NBAS: variants seen among roughly 807,000 people sequenced by gnomAD.
NBAS encodes the protein NBAS subunit of NRZ tethering complex.
A neutral mutation model predicts 302.5 loss-of-function variants in NBAS; 219 were observed. The observed-to-expected ratio is 0.72, with a 90% CI of 0.65 to 0.81. The LOEUF (loss-of-function observed/expected upper bound fraction) is 0.81, where lower values mean the gene tolerates loss of function less well. Among genes scored for constraint, NBAS ranks in the 30% least tolerant of loss-of-function variants. NBAS has a pLI of 0.00. For synonymous variants in NBAS, 1,118 were observed against 1,021.6 expected (o/e 1.09, Z -1.80); for missense variants, 2,932 against 2,841.6 (o/e 1.03, Z -0.72).
intron 21 of NBAS, among the ~76,000 whole-genome samples, chr2:15,452,857 T>C (rs1679085708): frequency 6.6e-6 from 1 of 152,230 alleles, no homozygotes; most frequent in South Asian, 2.1e-4. Flanking sequence ...TTGTATTTTC[T>C]AAATCTGCTC....
chr2:15,385,771 A>C (rs1170492249), intron 28 of NBAS, among the ~76,000 whole-genome samples: 2 of 152,212 alleles, frequency 1.3e-5, no homozygotes, highest in Non-Finnish European at 2.9e-5. Flanking sequence ...AATTAAGATT[A>C]ATTTCAGGTC....
chr2:15,225,402 T>G (rs554843998), intron 47 of NBAS, among the ~76,000 whole-genome samples: 1 of 152,182 alleles, frequency 6.6e-6, no homozygotes. Flanking sequence ...TAAGGCCTCA[T>G]GCACTGCAGG....
chr2:15,074,516 A>G, the NBAS span, among the ~76,000 whole-genome samples: 2 of 152,102 alleles, frequency 1.3e-5, no homozygotes, highest in African/African-American at 4.8e-5. Context: ...AGCAACTTAT[A>G]TAGACAAGAA....
intron 25 of NBAS, among the ~76,000 whole-genome samples, chr2:15,403,569 A>G (rs1676254350): frequency 6.6e-6 from 1 of 152,226 alleles, no homozygotes; most frequent in Non-Finnish European, 1.5e-5. Context: ...TTTAAAGTAT[A>G]CAAGAGGATG....
chr2:14,900,845 T>C, the NBAS span, among the ~76,000 whole-genome samples: 1 of 152,262 alleles, frequency 6.6e-6, no homozygotes, highest in East Asian at 1.9e-4. Flanking sequence ...CATCAGGAAA[T>C]ATCTGTGAAA....
Position 15,461,184 on chromosome 2 carries a change from T to C in NBAS, c.2339+17A>G, listed in dbSNP as rs375391022. On this transcript the variant is annotated intron_variant, in intron 21 of 51. Transcript: ENST00000281513. The stretch of plus-strand genomic sequence containing the variant: ...ATATAAAAAAGAAGGTAAAATTCTG[T>C]TAACATAGTCACATACCAAGCTTCG... The C allele has an allele frequency of 8.2e-5, 132 of 1,610,582 alleles. No individual in the cohort carries two copies. Among genetic ancestry groups the C allele is most frequent in the Non-Finnish European group, 1.1e-4 (128 of 1,177,134 alleles).
the NBAS span, among the ~76,000 whole-genome samples, chr2:15,160,291 GCT>G: frequency 1.3e-5 from 2 of 152,122 alleles, no homozygotes; most frequent in African/African-American, 4.8e-5. Context: ...AGACAGGGCA[GCT>G]TAAGAAGGCA....
At chr2:15,493,972 C>A (rs1437201865) in intron 11 of NBAS, among the ~76,000 whole-genome samples, 1 of 151,630 alleles carries the variant, frequency 6.6e-6, no homozygotes, top group Non-Finnish European at 1.5e-5. Context: ...ATTACAGGCA[C>A]CTGCCACCAC....
chr2:14,880,943 A>AAG, the NBAS span, among the ~76,000 whole-genome samples: 1 of 151,860 alleles, frequency 6.6e-6, no homozygotes, highest in African/African-American at 2.4e-5. Context: ...GCAAAAAAAA[A>AAG]AAAAATTTAT....
the NBAS span, among the ~76,000 whole-genome samples, chr2:15,050,589 C>T: frequency 6.6e-6 from 1 of 152,162 alleles, no homozygotes; most frequent in Non-Finnish European, 1.5e-5. Flanking sequence ...ATTGTGATAC[C>T]ACAGCAGACA....
the NBAS span, among the ~76,000 whole-genome samples, chr2:15,145,801 T>C: frequency 6.6e-6 from 1 of 152,112 alleles, no homozygotes; most frequent in Non-Finnish European, 1.5e-5. Context: ...CTTGACCTAC[T>C]GGATCAGAAA....
chr2:15,513,685 C>A (rs1662248738), intron 9 of NBAS, among the ~76,000 whole-genome samples: 1 of 150,522 alleles, frequency 6.6e-6, no homozygotes, highest in African/African-American at 2.4e-5. Context: ...GAGAGCAGAT[C>A]AATGAATTAA....
At chr2:15,517,290 C>T (rs1662445180) in intron 9 of NBAS, among the ~76,000 whole-genome samples, 1 of 152,012 alleles carries the variant, frequency 6.6e-6, no homozygotes, top group African/African-American at 2.4e-5. Flanking sequence ...TTGATCCCCA[C>T]AGTACTATTT....
chr2:15,488,869 T>C, intron 12 of NBAS, 25 bp downstream of exon 12: 2 of 1,612,984 alleles, frequency 1.2e-6, no homozygotes, highest in Non-Finnish European at 1.7e-6. Context: ...TAAGAGAGTA[T>C]CATTCTAATA....
chr2:15,201,841 G>A (rs1665891069), intron 48 of NBAS, among the ~76,000 whole-genome samples: 1 of 152,160 alleles, frequency 6.6e-6, no homozygotes, highest in African/African-American at 2.4e-5. Context: ...AAGGCAAAAT[G>A]TTTTGCTGAG....
At chr2:15,360,212 G>A (rs1673832897) in intron 32 of NBAS, among the ~76,000 whole-genome samples, 1 of 151,704 alleles carries the variant, frequency 6.6e-6, no homozygotes, top group Non-Finnish European at 1.5e-5. Flanking sequence ...TGAAGGCCGA[G>A]GATATGACTG....
chr2:14,908,195 C>G, the NBAS span, among the ~76,000 whole-genome samples: 1 of 152,130 alleles, frequency 6.6e-6, no homozygotes, highest in African/African-American at 2.4e-5. Context: ...AACCCCGTCT[C>G]TACTAAAAAC....
intron 21 of NBAS, among the ~76,000 whole-genome samples, chr2:15,439,357 C>A (rs1678216727): frequency 6.6e-6 from 1 of 150,998 alleles, no homozygotes; most frequent in Non-Finnish European, 1.5e-5. Flanking sequence ...GCAAAATTAG[C>A]CTTAGACAAA....
At chr2:15,516,980 A>G (rs891093518) in intron 9 of NBAS, among the ~76,000 whole-genome samples, 27 of 152,166 alleles carry the variant, frequency 1.8e-4, no homozygotes, top group African/African-American at 6.5e-4. Flanking sequence ...CGAGATTGCA[A>G]ATTGAAGCAA....
Sources: gnomAD v4.1 joint callset for allele counts (sites outside exome capture counted in the v4.1 genomes callset) on GRCh38, gnomAD v4.1.1 for gene constraint, MANE v1.5 for transcripts, NCBI Gene and HGNC (gene_info 2026-07-23, HGNC 2026-07-21) for gene names.